Variants in ACTR6 observed in about 807,000 individuals in gnomAD.
ACTR6 encodes the protein actin related protein 6, also known as actin-related protein 6.
Under a neutral mutation model 52.5 loss-of-function variants are expected in ACTR6, and 50 were observed. That is an observed-to-expected ratio of 0.95 (90% confidence interval 0.76 to 1.20). The LOEUF is 1.20. Ranked by LOEUF, ACTR6 falls within the 50% of genes most tolerant of loss-of-function variation. The probability of loss-of-function intolerance (pLI) is 0.00; values close to 1 mark genes in which losing one functional copy is unlikely to be tolerated. For synonymous variants in ACTR6, 135 were observed against 147.2 expected, an observed-to-expected ratio of 0.92 and a Z score of 0.60; for missense variants, 344 against 472.4, an observed-to-expected ratio of 0.73 and a Z score of 2.52.
At chr12:100,212,173 T>G in intron 6 of ACTR6, 83 bp from the exon 7 acceptor site, 2 of 1,012,290 alleles carry the variant, frequency 2.0e-6, no homozygotes, top group Non-Finnish European at 2.9e-6. Flanking sequence ...ACCTGAAAAT[T>G]TAATTCCAGA....
chr12:100,207,258 T>C (rs2096115652), intron 3 of ACTR6, among the ~76,000 whole-genome samples: 1 of 151,784 alleles, frequency 6.6e-6, no homozygotes, highest in Non-Finnish European at 1.5e-5. Flanking sequence ...TTAGTAGAGG[T>C]GGGGTCTTGC....
intron 8 of ACTR6, 126 bp downstream of exon 8, chr12:100,212,654 T>A: frequency 3.2e-6 from 2 of 618,402 alleles, no homozygotes; most frequent in Non-Finnish European, 5.6e-6. Context: ...GTCTCTATTA[T>A]AAAATTAAAA....
chr12:100,203,394 C>G (rs1186408943), intron 1 of ACTR6, among the ~76,000 whole-genome samples: 3 of 152,096 alleles, frequency 2.0e-5, no homozygotes, highest in Non-Finnish European at 4.4e-5. Flanking sequence ...ACCTCCGCCT[C>G]CTGGGTTCAA....
At position 100,216,432 on chromosome 12, in the gene ACTR6, T is replaced by C. The variant is rs191051244; in HGVS notation, c.751-1983T>C. Among the ~76,000 whole-genome samples, 463 of 152,386 alleles carry C rather than the reference T, an allele frequency of 3.0e-3. 1 individual carries two copies. Among genetic ancestry groups the C allele is most frequent in the African/African-American group, 0.01 (429 of 41,596 alleles). ...CCTCCCGCTTTGGCCTCCAAAGTGC[T>C]GGGTTATAGGCGTGAGCCAGTGTGC... is the stretch of plus-strand genomic sequence containing the variant. On this transcript the variant is annotated intron_variant, in intron 8 of 10. Transcript: ENST00000188312.
chr12:100,205,002 A>G lies in ACTR6; in HGVS notation c.131A>G (p.Gln44Arg), dbSNP rs2096113298. Residue 44 changes from glutamine to arginine, a missense_variant, in exon 2 of 11, where the codon CAG becomes CGG. Physicochemically the swap from Gln to Arg is conservative, Grantham distance 43. Transcript: ENST00000188312. ...TARLKTFTANQIDEIKDPSGL... is the reference protein window; with the variant it reads ...TARLKTFTANRIDEIKDPSGL... ...CGTCTTAAAACTTTTACTGCCAACC[A>G]GATAGATGAAATAAAAGACCCTTCT... 1.2e-6 allele frequency: 2 copies of G among 1,612,876 alleles called. No individual in the cohort carries two copies. The highest frequency in any genetic ancestry group is 1.7e-6 in the Non-Finnish European group (2 of 1,179,108).
Position 100,207,784 on chromosome 12 carries a change from A to G in ACTR6, c.377A>G (p.Asn126Ser). The change falls in exon 4 of 11, where the codon AAT (asparagine) becomes AGT (serine). Residue 126 changes from asparagine to serine, a missense_variant and splice_region_variant. Asn to Ser is a conservative substitution (Grantham distance 46, BLOSUM62 1). Transcript: ENST00000188312. ...EYQFQAVLRV[N>S]AGALSAHRYF... is the part of the protein sequence containing the mutation. ...CAGTTTCAAGCAGTATTAAGAGTAA[A>G]TGGTGAGTTCAAGTTTTCACTGAAA... 6.3e-7 allele frequency: 1 copy of G among 1,595,166 alleles called. No individual in the cohort carries two copies. The highest frequency in any genetic ancestry group is 8.6e-7 in the Non-Finnish European group (1 of 1,166,568).
chr12:100,204,692 T>C (rs1300683439), intron 1 of ACTR6, among the ~76,000 whole-genome samples: 1 of 152,114 alleles, frequency 6.6e-6, no homozygotes, highest in Non-Finnish European at 1.5e-5. Flanking sequence ...AGAGACAGGT[T>C]CTGGCTATGT....
In ACTR6 at chr12:100,218,388, A is replaced by T; in HGVS notation, c.751-27A>T. On this transcript the variant is annotated intron_variant, in intron 8 of 10. Coordinates refer to ENST00000188312, the MANE Select transcript of ACTR6 (RefSeq NM_022496.5). The surrounding 1 kb of genome is among the most constrained non-coding windows in gnomAD (Gnocchi z 4.2). ...TCATGTGAGCTAGATAATATAACTT[A>T]AACTTTTAATCTTCTTTGTCTTTAA... 6.3e-7 allele frequency: 1 copy of T among 1,591,984 alleles called. No homozygotes were observed. Among genetic ancestry groups the T allele is most frequent in the Non-Finnish European group, 8.6e-7 (1 of 1,167,804 alleles).
At chr12:100,219,293 G>A (rs1036529240) in intron 9 of ACTR6, among the ~76,000 whole-genome samples, 20 of 152,112 alleles carry the variant, frequency 1.3e-4, no homozygotes, top group African/African-American at 4.6e-4. Context: ...CTGCTTTAAG[G>A]TCATGGCAGA....
intron 2 of ACTR6, 141 bp downstream of exon 2, chr12:100,205,198 T>A: frequency 5.8e-4 from 261 of 448,882 alleles, no homozygotes; most frequent in East Asian, 7.7e-4. Flanking sequence ...ATTGTTTGGG[T>A]AAAAATAAAC....
Position 100,212,355 on chromosome 12 carries a change from G to A in ACTR6, c.671+1G>A, listed in dbSNP as rs1555307335. The A allele has an allele frequency of 1.2e-6, 2 of 1,604,000 alleles. No homozygotes were observed. Among genetic ancestry groups the A allele is most frequent in the African/African-American group, 1.3e-5 (1 of 74,768 alleles). ...TTTATAGAGACATGGATATTGCAAA[G>A]TATGTATAATGACAATCTAAGAATT... On this transcript the variant is annotated splice_donor_variant, in intron 7 of 10. Coordinates refer to ENST00000188312, the MANE Select transcript of ACTR6 (RefSeq NM_022496.5). LOFTEE classifies it high-confidence loss of function.
intron 1 of ACTR6, among the ~76,000 whole-genome samples, chr12:100,203,327 A>G (rs146891280): frequency 1.3e-5 from 2 of 152,204 alleles, no homozygotes; most frequent in African/African-American, 4.8e-5. Context: ...TTTTTGAGAC[A>G]GAGTCTTGCT....
intron 1 of ACTR6, among the ~76,000 whole-genome samples, chr12:100,202,561 T>C (rs956769708): frequency 6.6e-6 from 1 of 152,066 alleles, no homozygotes; most frequent in Non-Finnish European, 1.5e-5. Flanking sequence ...GTGTGTATAA[T>C]TAATAATGGC....
At chr12:100,202,209 G>C (rs1230054114) in intron 1 of ACTR6, among the ~76,000 whole-genome samples, 1 of 152,130 alleles carries the variant, frequency 6.6e-6, no homozygotes, top group South Asian at 2.1e-4. Flanking sequence ...GGGATTACAG[G>C]TGTGAGCCAC....
rs1339587183 is a variant in ACTR6, at chr12:100,218,749, T to C, written c.922+163T>C. On this transcript the variant is annotated intron_variant, in intron 9 of 10. Transcript: ENST00000188312. The surrounding 1 kb of genome is among the most constrained non-coding windows in gnomAD (Gnocchi z 4.2). ...ATGCATTTATATAATTCTTGATTCATCTTTGATTATAAGTTTTTTTTTGTG... is the reference window on the plus strand; with the variant it reads ...ATGCATTTATATAATTCTTGATTCACCTTTGATTATAAGTTTTTTTTTGTG... 6.6e-6 allele frequency among the ~76,000 whole-genome samples: 1 copy of C among 152,162 alleles called. No individual in the cohort carries two copies. The highest frequency in any genetic ancestry group is 2.4e-5 in the African/African-American group (1 of 41,448).
chr12:100,221,967 T>G (rs1394652246), intron 10 of ACTR6, among the ~76,000 whole-genome samples: 30 of 151,864 alleles, frequency 2.0e-4, no homozygotes, highest in Admixed American at 2.0e-3. Context: ...TTTTTTTTTA[T>G]TTTTTGAGAT....
At chr12:100,206,692 G>A (rs2096115015) in intron 3 of ACTR6, among the ~76,000 whole-genome samples, 1 of 150,540 alleles carries the variant, frequency 6.6e-6, no homozygotes, top group African/African-American at 2.4e-5. Flanking sequence ...TTTTTTAGGG[G>A]GAGTCTTGCT....
chr12:100,222,357 G>C (rs187863521), intron 10 of ACTR6, among the ~76,000 whole-genome samples: 1 of 148,084 alleles, frequency 6.8e-6, no homozygotes, highest in Non-Finnish European at 1.5e-5. Flanking sequence ...TCTGGACTCA[G>C]GTGATCCTTT....
intron 9 of ACTR6, among the ~76,000 whole-genome samples, chr12:100,219,109 A>G (rs558228018): frequency 8.3e-4 from 125 of 151,302 alleles, no homozygotes; most frequent in Middle Eastern, 3.4e-3. Context: ...CTGGTTTGCA[A>G]GAAGTAGGCA....
Sources: allele counts gnomAD v4.1 joint callset (sites outside exome capture counted in the v4.1 genomes callset), GRCh38; gene constraint gnomAD v4.1.1; non-coding constraint Gnocchi (gnomAD v3.1); transcripts MANE v1.5; gene names NCBI Gene and HGNC (gene_info 2026-07-23, HGNC 2026-07-21).